CDH12: variants seen among roughly 807,000 people sequenced by gnomAD.
CDH12 encodes cadherin-12.
CDH12 carries 41 observed loss-of-function variants against 74.1 expected under a neutral mutation model. The observed-to-expected ratio is 0.55, with a 90% CI of 0.43 to 0.72. The LOEUF (loss-of-function observed/expected upper bound fraction) is 0.72, where lower values mean the gene tolerates loss of function less well. Among genes scored for constraint, CDH12 ranks in the 30% least tolerant of loss-of-function variants. The probability of loss-of-function intolerance (pLI) is 0.00; values close to 1 mark genes in which losing one functional copy is unlikely to be tolerated. For missense variants in CDH12, 945 were observed against 977.2 expected (o/e 0.97, Z 0.44); for synonymous variants, 399 against 355.0 (o/e 1.12, Z -1.39).
chr5:21,789,436 A>G (rs898909333), intron 10 of CDH12, among the ~76,000 whole-genome samples: 3 of 152,072 alleles, frequency 2.0e-5, no homozygotes, highest in Admixed American at 6.6e-5. Context: ...ACCAAGTTTT[A>G]GTAGCTTTTC....
chr5:22,468,073 C>A (rs960313588), intron 2 of CDH12, among the ~76,000 whole-genome samples: 4 of 152,158 alleles, frequency 2.6e-5, no homozygotes, highest in African/African-American at 7.2e-5. Flanking sequence ...TGAATGAGGA[C>A]CCAATACCCC....
chr5:22,414,023 A>C (rs2126479228), intron 2 of CDH12, among the ~76,000 whole-genome samples: 1 of 152,124 alleles, frequency 6.6e-6, no homozygotes, highest in East Asian at 1.9e-4. Flanking sequence ...TTCAAACAAA[A>C]TAATTTTTAA....
chr5:22,676,959 T>G (rs1393039656), intron 1 of CDH12, among the ~76,000 whole-genome samples: 3 of 152,174 alleles, frequency 2.0e-5, no homozygotes, highest in Non-Finnish European at 4.4e-5. Context: ...CTGTTTCATA[T>G]CCTAATATAG....
At chr5:21,761,052 A>T (rs1168441779) in intron 12 of CDH12, among the ~76,000 whole-genome samples, 5 of 152,174 alleles carry the variant, frequency 3.3e-5, no homozygotes, top group African/African-American at 1.2e-4. Context: ...ATCTCTGATT[A>T]TCTAAAAGCC....
chr5:21,872,152 C>T (rs1185872321), intron 6 of CDH12, among the ~76,000 whole-genome samples: 1 of 152,154 alleles, frequency 6.6e-6, no homozygotes, highest in Non-Finnish European at 1.5e-5. Context: ...GCTTAACACC[C>T]CGACCTTGCT....
chr5:22,153,868 A>ATT (rs1561168318), intron 4 of CDH12, among the ~76,000 whole-genome samples: 4 of 71,224 alleles, frequency 5.6e-5, no homozygotes, highest in African/African-American at 2.3e-4. Context: ...GTATATATAT[A>ATT]TATGTATATA....
At position 21,880,613 on chromosome 5, in the gene CDH12, T is replaced by TC. The variant is rs1561268361; in HGVS notation, c.527-25824_527-25823insG. 7.7e-4 allele frequency among the ~76,000 whole-genome samples: 68 copies of TC among 88,506 alleles called. 2 individuals carry two copies. The highest frequency in any genetic ancestry group is 3.0e-3 in the African/African-American group (65 of 21,892). 58.1% of individuals were successfully genotyped at this position (88,506 alleles called of 152,430 possible). ...CTTCCTTCCTTCCTTCCTTCCTTCC[T>TC]TCCTTCTTTCTTTCTTTCTTTCTTT... is the stretch of plus-strand genomic sequence containing the variant. On this transcript the variant is annotated intron_variant, in intron 6 of 14. Transcript: ENST00000382254.
rs73053983 is a variant in CDH12, at chr5:22,284,721, A to G, written c.-332-72078T>C. Among the ~76,000 whole-genome samples, 664 of 152,254 alleles carry G rather than the reference A, an allele frequency of 4.4e-3. 5 individuals carry two copies. The highest frequency in any genetic ancestry group is 0.015 in the African/African-American group (641 of 41,564). ...CATACTCACAGGAAGAGGATTCAAC[A>G]AGTGTCTGAATACCAGAAAGTGGGG... On this transcript the variant is annotated intron_variant, in intron 3 of 14. Coordinates refer to ENST00000382254, the MANE Select transcript of CDH12 (RefSeq NM_004061.5).
intron 5 of CDH12, among the ~76,000 whole-genome samples, chr5:22,011,709 C>G (rs899707136): frequency 6.6e-5 from 10 of 151,862 alleles, no homozygotes; most frequent in African/African-American, 2.4e-4. Flanking sequence ...TTATTTCATT[C>G]TGTTGGGTTA....
At chr5:22,522,983 C>G (rs1401307133) in intron 1 of CDH12, among the ~76,000 whole-genome samples, 1 of 152,122 alleles carries the variant, frequency 6.6e-6, no homozygotes, top group Non-Finnish European at 1.5e-5. Flanking sequence ...AGACATCATA[C>G]CTCATGCACA....
At chr5:22,165,307 T>G (rs1266730526) in intron 4 of CDH12, among the ~76,000 whole-genome samples, 1 of 152,204 alleles carries the variant, frequency 6.6e-6, no homozygotes, top group Non-Finnish European at 1.5e-5. Context: ...ACAGACACAC[T>G]AGCCTCGTAG....
intron 3 of CDH12, among the ~76,000 whole-genome samples, chr5:22,286,797 T>TA (rs959450199): frequency 2.6e-4 from 40 of 152,122 alleles, no homozygotes; most frequent in African/African-American, 8.2e-4. Flanking sequence ...TCATTTTTAA[T>TA]AAAAAAAGAC....
intron 8 of CDH12, among the ~76,000 whole-genome samples, chr5:21,834,128 A>G (rs1048432658): frequency 1.3e-4 from 19 of 151,242 alleles, no homozygotes; most frequent in African/African-American, 4.6e-4. Flanking sequence ...ACCTGAATAC[A>G]AGGTCATAGC....
intron 1 of CDH12, among the ~76,000 whole-genome samples, chr5:22,661,401 C>G (rs1043666567): frequency 3.3e-4 from 51 of 152,248 alleles, no homozygotes; most frequent in African/African-American, 1.2e-3. Flanking sequence ...CTATTTAGCA[C>G]TACTCCAATG....
chr5:22,659,612 T>C (rs1740240430), intron 1 of CDH12, among the ~76,000 whole-genome samples: 1 of 152,114 alleles, frequency 6.6e-6, no homozygotes, highest in Admixed American at 6.5e-5. Flanking sequence ...TACCACTTTA[T>C]CACTTTGAGC....
intron 1 of CDH12, among the ~76,000 whole-genome samples, chr5:22,724,946 C>A (rs1217622108): frequency 6.6e-6 from 1 of 151,630 alleles, no homozygotes; most frequent in Non-Finnish European, 1.5e-5. Context: ...CATCAGGAAC[C>A]TATGAGAACA....
chr5:22,834,775 G>A (rs1480093961), intron 1 of CDH12, among the ~76,000 whole-genome samples: 2 of 151,788 alleles, frequency 1.3e-5, no homozygotes, highest in East Asian at 1.9e-4. Context: ...TATTTTATAC[G>A]CTATTTTTAC....
In CDH12 at chr5:21,929,295, T is replaced by C. The variant is rs542230376; in HGVS notation, c.526+45796A>G. ...ATTATTATTACATTTTAATATATAA[T>C]GAAATAATTATACAACTCACTGTAT... On this transcript the variant is annotated intron_variant, in intron 6 of 14. Coordinates refer to ENST00000382254, the MANE Select transcript of CDH12 (RefSeq NM_004061.5). 5.9e-5 allele frequency among the ~76,000 whole-genome samples: 9 copies of C among 151,986 alleles called. No homozygotes were observed. In the East Asian group the frequency reaches 1.5e-3, roughly 26 times the overall value.
intron 5 of CDH12, among the ~76,000 whole-genome samples, chr5:22,028,080 GTCAT>G (rs1738510913): frequency 6.6e-6 from 1 of 152,092 alleles, no homozygotes. Flanking sequence ...GTACCCAGTA[GTCAT>G]TCAGGAGCAA....
Sources: gnomAD v4.1 joint callset for allele counts (sites outside exome capture counted in the v4.1 genomes callset) on GRCh38, gnomAD v4.1.1 for gene constraint, MANE v1.5 for transcripts, NCBI Gene and HGNC (gene_info 2026-07-23, HGNC 2026-07-21) for gene names.